The following ATF7IP2 variants were observed in gnomAD, a reference collection of about 807,000 sequenced individuals.
ATF7IP2 encodes activating transcription factor 7-interacting protein 2.
ATF7IP2 carries 42 observed loss-of-function variants against 64.2 expected under a neutral mutation model. That is an observed-to-expected ratio of 0.65 (90% confidence interval 0.51 to 0.85). The LOEUF (loss-of-function observed/expected upper bound fraction) is 0.85, where lower values mean the gene tolerates loss of function less well. ATF7IP2 is among the 40% of genes least tolerant of loss of function. The pLI, the probability that ATF7IP2 is intolerant of heterozygous loss-of-function variation, is 0.00. For missense variants in ATF7IP2, 933 were observed against 784.2 expected, an observed-to-expected ratio of 1.19 and a Z score of -2.27; for synonymous variants, 308 against 272.8, an observed-to-expected ratio of 1.13 and a Z score of -1.27.
Position 10,443,003 on chromosome 16 carries a change from G to T in ATF7IP2, c.1194+2541G>T, listed in dbSNP as rs543077370. 2.0e-5 allele frequency among the ~76,000 whole-genome samples: 3 copies of T among 152,214 alleles called. No homozygotes were observed. The South Asian group carries it at 6.2e-4, about 32-fold the overall frequency. On this transcript the variant is annotated intron_variant, in intron 8 of 13. Transcript: ENST00000562102. The stretch of plus-strand genomic sequence containing the variant: ...ATATAAACGTGAGAATCAAAAGATC[G>T]TGAGGGGCCTCTCTTGTTTTATGGT...
intron 1 of ATF7IP2, among the ~76,000 whole-genome samples, chr16:10,409,023 A>G (rs7187089): frequency 0.9 from 137,121 of 152,274 alleles, 62,000 homozygotes; most frequent in East Asian, 1. Flanking sequence ...GGTGCTGCTC[A>G]TGTCATTCAC....
chr16:10,398,666 A>G (rs371534737), intron 1 of ATF7IP2, among the ~76,000 whole-genome samples: 70 of 152,348 alleles, frequency 4.6e-4, no homozygotes, highest in African/African-American at 1.6e-3. Flanking sequence ...TGTTAAGTGA[A>G]ATAATCTAGA....
intron 1 of ATF7IP2, among the ~76,000 whole-genome samples, chr16:10,392,144 C>A (rs1417225804): frequency 6.6e-6 from 1 of 151,094 alleles, no homozygotes; most frequent in Non-Finnish European, 1.5e-5. Context: ...ACCCCCACCC[C>A]CCAGGTTCAA....
intron 3 of ATF7IP2, among the ~76,000 whole-genome samples, chr16:10,425,753 CCTGGTGCCACA>C (rs1488731892): frequency 6.6e-6 from 1 of 151,992 alleles, no homozygotes; most frequent in Non-Finnish European, 1.5e-5. Flanking sequence ...ATTAGCCAGG[CCTGGTGCCACA>C]CGCCTATAAT....
At chr16:10,444,298 G>A (rs971649805) in intron 8 of ATF7IP2, among the ~76,000 whole-genome samples, 27 of 152,262 alleles carry the variant, frequency 1.8e-4, no homozygotes, top group African/African-American at 6.0e-4. Flanking sequence ...TGCCTCCAAA[G>A]GGGGTCATGC....
chr16:10,456,577 C>T (rs1300928716), intron 8 of ATF7IP2, among the ~76,000 whole-genome samples: 5 of 152,176 alleles, frequency 3.3e-5, no homozygotes, highest in Non-Finnish European at 1.5e-5. Context: ...ATTCTTCTGG[C>T]TCCACTGGGT....
chr16:10,405,671 C>T (rs915167535), intron 1 of ATF7IP2, among the ~76,000 whole-genome samples: 2 of 152,194 alleles, frequency 1.3e-5, no homozygotes, highest in African/African-American at 4.8e-5. Context: ...TCTTCATCAA[C>T]GTCCTCCCAG....
chr16:10,417,135 T>A (rs1029082889), intron 2 of ATF7IP2, among the ~76,000 whole-genome samples: 3 of 152,164 alleles, frequency 2.0e-5, no homozygotes, highest in African/African-American at 7.2e-5. Context: ...CACAGTGTAA[T>A]TCCATTATAC....
In ATF7IP2 at chr16:10,473,969, G is replaced by T. The variant is rs755896965; in HGVS notation, c.1529G>T (p.Gly510Val). Residue 510 changes from glycine to valine, a missense_variant, in exon 12 of 14, where the codon GGC (glycine) becomes GTC (valine). Gly to Val is a moderately radical substitution (Grantham distance 109). Transcript: ENST00000562102. ...TCTATAATTGATTTGACAAAAGAAG[G>T]CCTATCCAACTGCAATACAGGTAAA... ...LDSIIDLTKE[G>V]LSNCNTESPV... 2.5e-6 allele frequency: 4 copies of T among 1,591,460 alleles called. No homozygotes were observed. Among genetic ancestry groups the T allele is most frequent in the Non-Finnish European group, 2.6e-6 (3 of 1,167,528 alleles).
At chr16:10,450,790 A>C (rs2141981745) in intron 8 of ATF7IP2, among the ~76,000 whole-genome samples, 1 of 152,254 alleles carries the variant, frequency 6.6e-6, no homozygotes, top group Non-Finnish European at 1.5e-5. Context: ...TGTGTCTTTT[A>C]ATTGGGGCAT....
chr16:10,437,217 C>G (rs182427759), intron 6 of ATF7IP2, among the ~76,000 whole-genome samples: 1 of 152,092 alleles, frequency 6.6e-6, no homozygotes, highest in Admixed American at 6.6e-5. Context: ...GTCGGGGTTT[C>G]ACCATGTTGG....
intron 3 of ATF7IP2, among the ~76,000 whole-genome samples, chr16:10,419,912 G>C (rs1210384511): frequency 6.6e-6 from 1 of 152,222 alleles, no homozygotes; most frequent in Non-Finnish European, 1.5e-5. Context: ...TGCCTTTGCA[G>C]CTGGTTTCTG....
At chr16:10,475,761 A>C (rs9925989) in intron 12 of ATF7IP2, among the ~76,000 whole-genome samples, 15,533 of 147,576 alleles carry the variant, frequency 0.11, 2,055 homozygotes, top group African/African-American at 0.31. Context: ...AAGAACAAAC[A>C]AGACTAATAG....
intron 1 of ATF7IP2, among the ~76,000 whole-genome samples, chr16:10,401,346 T>G (rs1256546678): frequency 6.6e-6 from 1 of 151,992 alleles, no homozygotes; most frequent in Non-Finnish European, 1.5e-5. Context: ...TTTTTTGTAT[T>G]TTTAGTAAAG....
chr16:10,406,088 C>CA (rs71133349), intron 1 of ATF7IP2, among the ~76,000 whole-genome samples: 27,615 of 138,386 alleles, frequency 0.2, 2,688 homozygotes, highest in South Asian at 0.27. Flanking sequence ...GAATCTGTCT[C>CA]AAAAAAAAAA....
chr16:10,443,035 T>C (rs774329363), intron 8 of ATF7IP2, among the ~76,000 whole-genome samples: 1 of 152,152 alleles, frequency 6.6e-6, no homozygotes, highest in Non-Finnish European at 1.5e-5. Flanking sequence ...TGGTGGTGTT[T>C]TTCCTTTTCC....
Position 10,419,621 on chromosome 16 carries a change from C to A in ATF7IP2, c.-162C>A. 1 of 153,524 alleles carries A rather than the reference C, an allele frequency of 6.5e-6. No individual in the cohort carries two copies. The highest frequency in any genetic ancestry group is 1.8e-4 in the South Asian group (1 of 5,500). 9.5% of individuals were successfully genotyped at this position (153,524 alleles called of 1,614,324 possible). A position where few individuals can be genotyped will look rare whatever the true frequency, so the allele number is the denominator to read the frequency against. The stretch of plus-strand genomic sequence containing the variant: ...CTGTGACAGCTTCTTGATCTGTCCC[C>A]AGGTAGGTGGCTGCATTCGACAGGT... On this transcript the variant is annotated splice_region_variant and 5_prime_UTR_variant, in exon 3 of 14. Transcript: ENST00000562102.
rs559463207 is a variant in ATF7IP2 at position 10,441,287 on chromosome 16, TGTG to T, written c.1194+828_1194+830del. Among the ~76,000 whole-genome samples, 984 of 152,260 alleles carry T rather than the reference TGTG, an allele frequency of 6.5e-3. 7 individuals are homozygous for T. Among genetic ancestry groups the T allele is most frequent in the Admixed American group, 0.01 (156 of 15,282 alleles). On this transcript the variant is annotated intron_variant, in intron 8 of 13. Coordinates refer to ENST00000562102, the MANE Select transcript of ATF7IP2 (RefSeq NM_001393719.1). ...ACCCAGTAATGGGATTGCTGGGTCATGTGGTAGTTCTGGTTCTATAGATCCTTG... is the reference window on the plus strand; with the variant it reads ...ACCCAGTAATGGGATTGCTGGGTCATGTAGTTCTGGTTCTATAGATCCTTG...
intron 3 of ATF7IP2, among the ~76,000 whole-genome samples, chr16:10,421,216 T>C (rs1420339432): frequency 4.6e-5 from 7 of 152,214 alleles, no homozygotes; most frequent in Non-Finnish European, 1.0e-4. Context: ...TGAATTAGTA[T>C]GTGGAAGAAA....
Sources: allele counts gnomAD v4.1 joint callset (sites outside exome capture counted in the v4.1 genomes callset), GRCh38; gene constraint gnomAD v4.1.1; transcripts MANE v1.5; gene names NCBI Gene and HGNC (gene_info 2026-07-23, HGNC 2026-07-21).